The following PTPRR variants were observed in gnomAD, a reference collection of about 807,000 sequenced individuals.
The protein encoded by PTPRR is receptor-type tyrosine-protein phosphatase R.
PTPRR carries 38 observed loss-of-function variants against 77.2 expected under a neutral mutation model. The ratio of observed to expected loss-of-function variants is 0.49; its 90% CI spans 0.38 to 0.65. The LOEUF is 0.65. Among genes scored for constraint, PTPRR ranks in the 30% least tolerant of loss-of-function variants. The pLI, the probability that PTPRR is intolerant of heterozygous loss-of-function variation, is 0.00. For synonymous variants in PTPRR, 299 were observed against 283.1 expected, an observed-to-expected ratio of 1.06 and a Z score of -0.57; for missense variants, 744 against 799.2, an observed-to-expected ratio of 0.93 and a Z score of 0.83.
intron 1 of PTPRR, among the ~76,000 whole-genome samples, chr12:70,916,175 T>A (rs1211633163): frequency 6.6e-6 from 1 of 152,024 alleles, no homozygotes; most frequent in African/African-American, 2.4e-5. Flanking sequence ...AAATATGAAA[T>A]AGAATAACCT....
At chr12:70,733,091 T>A (rs1300727546) in intron 6 of PTPRR, among the ~76,000 whole-genome samples, 1 of 151,850 alleles carries the variant, frequency 6.6e-6, no homozygotes, top group Non-Finnish European at 1.5e-5. Flanking sequence ...AAGGGGAGAA[T>A]CCTTGAGGGC....
intron 10 of PTPRR, among the ~76,000 whole-genome samples, chr12:70,682,929 C>T (rs578060152): frequency 6.6e-6 from 1 of 151,464 alleles, no homozygotes; most frequent in Non-Finnish European, 1.5e-5. Flanking sequence ...GCTATTTTTC[C>T]AGAATATAGT....
intron 2 of PTPRR, among the ~76,000 whole-genome samples, chr12:70,830,916 T>C (rs1374871558): frequency 6.6e-6 from 1 of 152,236 alleles, no homozygotes; most frequent in Non-Finnish European, 1.5e-5. Context: ...CTACCTATTT[T>C]ATTTACCAAC....
At chr12:70,712,456 C>T (rs538724184) in intron 6 of PTPRR, among the ~76,000 whole-genome samples, 3 of 151,006 alleles carry the variant, frequency 2.0e-5, no homozygotes, top group East Asian at 1.9e-4. Flanking sequence ...CTGGGTCCTT[C>T]CTCATCCAGT....
chr12:70,681,019 A>C (rs777677880), intron 10 of PTPRR, among the ~76,000 whole-genome samples: 1 of 152,244 alleles, frequency 6.6e-6, no homozygotes, highest in African/African-American at 2.4e-5. Flanking sequence ...GCAAGGTGCT[A>C]TATGGGCTTC....
At chr12:70,707,115 C>G (rs1345644362) in intron 6 of PTPRR, among the ~76,000 whole-genome samples, 2 of 152,090 alleles carry the variant, frequency 1.3e-5, no homozygotes, top group African/African-American at 4.8e-5. Context: ...CATGCAAAAT[C>G]AATGGTCGTC....
At chr12:70,683,311 G>A (rs1047872517) in intron 10 of PTPRR, among the ~76,000 whole-genome samples, 1 of 152,156 alleles carries the variant, frequency 6.6e-6, no homozygotes, top group African/African-American at 2.4e-5. Context: ...TAAAATGAAA[G>A]CGGTACCTCG....
At chr12:70,668,008 A>T (rs1210811444) in intron 10 of PTPRR, among the ~76,000 whole-genome samples, 4 of 152,150 alleles carry the variant, frequency 2.6e-5, no homozygotes, top group Admixed American at 1.3e-4. Flanking sequence ...GAATAAACAG[A>T]TTCAACGTTT....
chr12:70,848,112 T>TG (rs1407790978), intron 2 of PTPRR, among the ~76,000 whole-genome samples: 8 of 152,178 alleles, frequency 5.3e-5, no homozygotes, highest in Non-Finnish European at 1.0e-4. Context: ...ATGGGAGGAA[T>TG]GTCATTAAAA....
At chr12:70,642,173 C>A (rs1004125963) in intron 13 of PTPRR, among the ~76,000 whole-genome samples, 1 of 151,928 alleles carries the variant, frequency 6.6e-6, no homozygotes, top group Admixed American at 6.6e-5. Context: ...CTACATGGTG[C>A]CTGGTTCTCG....
At chr12:70,848,363 C>T (rs910933489) in intron 2 of PTPRR, among the ~76,000 whole-genome samples, 1 of 152,168 alleles carries the variant, frequency 6.6e-6, no homozygotes, top group South Asian at 2.1e-4. Flanking sequence ...GAGTCTTGCT[C>T]TGTCACCCAG....
intron 3 of PTPRR, among the ~76,000 whole-genome samples, chr12:70,761,844 C>T (rs1272012188): frequency 6.6e-6 from 1 of 152,082 alleles, no homozygotes; most frequent in Non-Finnish European, 1.5e-5. Flanking sequence ...GTTGCCACCC[C>T]CCAAGATTTG....
intron 2 of PTPRR, among the ~76,000 whole-genome samples, chr12:70,774,113 G>T (rs1891039681): frequency 6.6e-6 from 1 of 152,200 alleles, no homozygotes; most frequent in Non-Finnish European, 1.5e-5. Flanking sequence ...CTGTATTGGA[G>T]ACTCTGTCTA....
intron 2 of PTPRR, among the ~76,000 whole-genome samples, chr12:70,816,144 A>G (rs563230078): frequency 6.6e-6 from 1 of 152,288 alleles, no homozygotes; most frequent in Admixed American, 6.5e-5. Flanking sequence ...TTTAGCACAA[A>G]TGTTTCCTGA....
chr12:70,820,929 G>A (rs1308415424), intron 2 of PTPRR, among the ~76,000 whole-genome samples: 2 of 152,106 alleles, frequency 1.3e-5, no homozygotes, highest in Non-Finnish European at 2.9e-5. Flanking sequence ...TCTCTTTGTT[G>A]TATTCAGAGT....
intron 2 of PTPRR, among the ~76,000 whole-genome samples, chr12:70,804,742 C>T (rs1891679606): frequency 6.6e-6 from 1 of 152,198 alleles, no homozygotes; most frequent in South Asian, 2.1e-4. Flanking sequence ...TTCCACCACA[C>T]TACCCACTGA....
At chr12:70,788,830 A>G (rs900432965) in intron 2 of PTPRR, 6 of 1,525,846 alleles carry the variant, frequency 3.9e-6, no homozygotes, top group Non-Finnish European at 5.3e-6. Flanking sequence ...TTGGAAATTG[A>G]CTGCATGTTG....
At chr12:70,866,053 A>C (rs1002433635) in intron 2 of PTPRR, among the ~76,000 whole-genome samples, 14 of 152,254 alleles carry the variant, frequency 9.2e-5, no homozygotes, top group Middle Eastern at 6.8e-3. Flanking sequence ...AGGGAAATTT[A>C]TAGCACTAAA....
chr12:70,746,739 G>A (rs899388220), intron 5 of PTPRR, among the ~76,000 whole-genome samples: 3 of 151,752 alleles, frequency 2.0e-5, no homozygotes, highest in African/African-American at 4.8e-5. Context: ...TTGCCCAAGC[G>A]AAAGTGCAGT....
Sources: allele counts gnomAD v4.1 joint callset (sites outside exome capture counted in the v4.1 genomes callset), GRCh38; gene constraint gnomAD v4.1.1; transcripts MANE v1.5; gene names NCBI Gene and HGNC (gene_info 2026-07-23, HGNC 2026-07-21).